The following KIAA0825 variants were observed in gnomAD, a reference collection of about 807,000 sequenced individuals.
KIAA0825 encodes the protein KIAA0825, also known as uncharacterized protein KIAA0825.
Under a neutral mutation model 147.6 loss-of-function variants are expected in KIAA0825, and 119 were observed. The ratio of observed to expected loss-of-function variants is 0.81; its 90% CI spans 0.69 to 0.94. The LOEUF is 0.94. Among genes scored for constraint, KIAA0825 ranks in the 40% least tolerant of loss-of-function variants. KIAA0825 has a pLI of 0.00. For missense variants in KIAA0825, 1,381 were observed against 1,472.7 expected (o/e 0.94, Z 1.02); for synonymous variants, 470 against 518.1 (o/e 0.91, Z 1.26).
At chr5:94,159,870 T>A (rs575614465) in intron 20 of KIAA0825, among the ~76,000 whole-genome samples, 4 of 152,316 alleles carry the variant, frequency 2.6e-5, no homozygotes, top group East Asian at 3.9e-4. Context: ...TATGAAACAT[T>A]TATGTAGCAC....
chr5:94,212,137 G>T (rs1337123691), intron 20 of KIAA0825, among the ~76,000 whole-genome samples: 1 of 152,114 alleles, frequency 6.6e-6, no homozygotes, highest in Admixed American at 6.6e-5. Context: ...AGATAGTAAG[G>T]ATTTATACGA....
At chr5:94,495,627 G>C (rs561903834) in intron 5 of KIAA0825, among the ~76,000 whole-genome samples, 2 of 152,170 alleles carry the variant, frequency 1.3e-5, no homozygotes, top group Non-Finnish European at 2.9e-5. Flanking sequence ...GTGGCCATCC[G>C]AGGCTCATGA....
chr5:94,197,415 T>C (rs1771238017), intron 20 of KIAA0825, among the ~76,000 whole-genome samples: 1 of 152,200 alleles, frequency 6.6e-6, no homozygotes, highest in Admixed American at 6.5e-5. Flanking sequence ...ATTCTGTAGG[T>C]TGTCTGTTTA....
chr5:94,219,907 C>T (rs1773535462), intron 20 of KIAA0825, among the ~76,000 whole-genome samples: 3 of 152,128 alleles, frequency 2.0e-5, no homozygotes, highest in Admixed American at 1.3e-4. Context: ...CTTATAAACA[C>T]TCCACACTTA....
At chr5:94,402,900 A>T (rs1371085131) in intron 16 of KIAA0825, among the ~76,000 whole-genome samples, 4 of 152,062 alleles carry the variant, frequency 2.6e-5, no homozygotes, top group Admixed American at 1.3e-4. Flanking sequence ...AAATTCTGGA[A>T]AAGTGGAAAG....
intron 20 of KIAA0825, among the ~76,000 whole-genome samples, chr5:94,214,311 G>T (rs905427044): frequency 2.0e-5 from 3 of 151,944 alleles, no homozygotes; most frequent in African/African-American, 7.3e-5. Context: ...CAAGTAATTG[G>T]ACAAATATTC....
At chr5:94,304,080 TATTA>T (rs2150183065) in intron 20 of KIAA0825, among the ~76,000 whole-genome samples, 1 of 152,196 alleles carries the variant, frequency 6.6e-6, no homozygotes, top group East Asian at 1.9e-4. Context: ...TGCTTTAAGT[TATTA>T]ATTATTAAGT....
At chr5:94,598,277 T>C (rs1453454885) in intron 1 of KIAA0825, among the ~76,000 whole-genome samples, 1 of 152,064 alleles carries the variant, frequency 6.6e-6, no homozygotes, top group African/African-American at 2.4e-5. Context: ...ACTATTTTGT[T>C]AAAAAATAAG....
chr5:94,558,476 G>C (rs1254800446), intron 2 of KIAA0825, among the ~76,000 whole-genome samples: 1 of 152,146 alleles, frequency 6.6e-6, no homozygotes, highest in Non-Finnish European at 1.5e-5. Flanking sequence ...GTTTTCATTA[G>C]GTTATGTGAG....
chr5:94,315,636 T>TACTTAATAAC (rs1779587729), intron 20 of KIAA0825, among the ~76,000 whole-genome samples: 3 of 151,738 alleles, frequency 2.0e-5, no homozygotes, highest in African/African-American at 7.2e-5. Flanking sequence ...CTTCATTATG[T>TACTTAATAAC]GACATAAATT....
intron 14 of KIAA0825, among the ~76,000 whole-genome samples, chr5:94,435,075 A>G (rs1198949259): frequency 1.3e-5 from 2 of 152,094 alleles, no homozygotes; most frequent in African/African-American, 4.8e-5. Flanking sequence ...ACAATTTAAC[A>G]CAAAATTAAG....
chr5:94,159,395 G>A (rs1290947293), intron 20 of KIAA0825, among the ~76,000 whole-genome samples: 1 of 152,098 alleles, frequency 6.6e-6, no homozygotes, highest in African/African-American at 2.4e-5. Context: ...TAGTGGATGA[G>A]CTATAAATTT....
intron 20 of KIAA0825, among the ~76,000 whole-genome samples, chr5:94,354,738 T>A (rs1784063341): frequency 6.6e-6 from 1 of 152,230 alleles, no homozygotes; most frequent in African/African-American, 2.4e-5. Context: ...GAAAAATAAA[T>A]TGAGGCCATG....
chr5:94,152,458 G>A lies in KIAA0825; in HGVS notation c.*1549C>T, dbSNP rs1766568606. On this transcript the variant is annotated 3_prime_UTR_variant, in exon 21 of 21. Transcript: ENST00000682413. The stretch of plus-strand genomic sequence containing the variant: ...GTTCCAGGGCTTTGAGAGACAGAGA[G>A]GGGAAGATCACTTGAGGTAGGGAGT... 6.6e-6 allele frequency among the ~76,000 whole-genome samples: 1 copy of A among 151,968 alleles called. No homozygotes were observed. Among genetic ancestry groups the A allele is most frequent in the African/African-American group, 2.4e-5 (1 of 41,370 alleles).
chr5:94,433,024 C>CATTTT (rs753533528), intron 14 of KIAA0825, among the ~76,000 whole-genome samples: 42 of 151,932 alleles, frequency 2.8e-4, no homozygotes, highest in African/African-American at 7.3e-4. Flanking sequence ...TTGATTCATT[C>CATTTT]ATTTTATTTT....
At chr5:94,453,330 G>A (rs1042154041) in intron 12 of KIAA0825, among the ~76,000 whole-genome samples, 7 of 138,428 alleles carry the variant, frequency 5.1e-5, no homozygotes, top group Non-Finnish European at 7.6e-5. Context: ...ATGCTGCCAC[G>A]TGTGGCTGAT....
chr5:94,295,342 A>G (rs529364292), intron 20 of KIAA0825, among the ~76,000 whole-genome samples: 3 of 152,026 alleles, frequency 2.0e-5, no homozygotes, highest in East Asian at 1.9e-4. Context: ...CAAGGTTATT[A>G]GCTTCCCTGC....
intron 20 of KIAA0825, among the ~76,000 whole-genome samples, chr5:94,357,390 A>C (rs535931439): frequency 8.5e-5 from 13 of 152,396 alleles, no homozygotes; most frequent in Admixed American, 7.8e-4. Flanking sequence ...AATAGAGATG[A>C]ATACAAATTT....
At chr5:94,289,958 G>T (rs1392788324) in intron 20 of KIAA0825, among the ~76,000 whole-genome samples, 1 of 151,196 alleles carries the variant, frequency 6.6e-6, no homozygotes, top group Admixed American at 6.6e-5. Flanking sequence ...CAATCATTTG[G>T]TATTTATTAG....
Sources: gnomAD v4.1 joint callset for allele counts (sites outside exome capture counted in the v4.1 genomes callset) on GRCh38, gnomAD v4.1.1 for gene constraint, MANE v1.5 for transcripts, NCBI Gene and HGNC (gene_info 2026-07-23, HGNC 2026-07-21) for gene names.